RAB38: variants seen among roughly 807,000 people sequenced by gnomAD.
The protein encoded by RAB38 is RAB38, member RAS oncogene family.
In RAB38, 15 loss-of-function variants were observed where a neutral mutation model predicts 18.4. The ratio of observed to expected loss-of-function variants is 0.82; its 90% CI spans 0.55 to 1.26. The LOEUF (loss-of-function observed/expected upper bound fraction) is 1.26, where lower values mean the gene tolerates loss of function less well. Ranked by LOEUF, RAB38 falls within the 50% of genes most tolerant of loss-of-function variation. The pLI is 0.00. For synonymous variants in RAB38, 101 were observed against 104.4 expected, an observed-to-expected ratio of 0.97 and a Z score of 0.20; for missense variants, 294 against 267.4, an observed-to-expected ratio of 1.10 and a Z score of -0.69.
At chr11:88,141,169 C>G (rs371590138) in intron 2 of RAB38, among the ~76,000 whole-genome samples, 114 of 152,238 alleles carry the variant, frequency 7.5e-4, no homozygotes, top group African/African-American at 2.6e-3. Context: ...GTCCCCACCC[C>G]CTAGAAAACA....
chr11:87,954,386 A>G, the RAB38 span, among the ~76,000 whole-genome samples: 1 of 152,102 alleles, frequency 6.6e-6, no homozygotes, highest in Non-Finnish European at 1.5e-5. Context: ...CCAGATAAAG[A>G]CTACTTTTTC....
chr11:88,010,436 G>C, the RAB38 span, among the ~76,000 whole-genome samples: 1 of 152,112 alleles, frequency 6.6e-6, no homozygotes. Context: ...GTCAGGGAGG[G>C]TTTCAGATAA....
At chr11:88,048,015 T>C in the RAB38 span, among the ~76,000 whole-genome samples, 2 of 152,202 alleles carry the variant, frequency 1.3e-5, no homozygotes, top group African/African-American at 4.8e-5. Flanking sequence ...TCATTTCCTT[T>C]CCATCATGAA....
At chr11:87,805,499 T>C in the RAB38 span, among the ~76,000 whole-genome samples, 1 of 152,056 alleles carries the variant, frequency 6.6e-6, no homozygotes, top group East Asian at 1.9e-4. Context: ...GTCAGAATTG[T>C]AGCAGACACT....
At chr11:87,823,303 AT>A in the RAB38 span, among the ~76,000 whole-genome samples, 15 of 152,174 alleles carry the variant, frequency 9.9e-5, no homozygotes, top group Non-Finnish European at 1.5e-5. Context: ...AGGTTCGTAG[AT>A]TAAAAAACTG....
chr11:87,854,769 T>A, the RAB38 span, among the ~76,000 whole-genome samples: 1 of 152,152 alleles, frequency 6.6e-6, no homozygotes, highest in African/African-American at 2.4e-5. Flanking sequence ...TCCGAAGACA[T>A]TTCATGCATT....
chr11:88,091,474 C>A, the RAB38 span, among the ~76,000 whole-genome samples: 7 of 152,118 alleles, frequency 4.6e-5, no homozygotes, highest in South Asian at 1.0e-3. Context: ...TTCTCACCAT[C>A]TCTCACCAAT....
At chr11:88,018,078 C>A in the RAB38 span, among the ~76,000 whole-genome samples, 2 of 152,100 alleles carry the variant, frequency 1.3e-5, no homozygotes, top group African/African-American at 4.8e-5. Flanking sequence ...AACTGTGAGT[C>A]CATTACACCT....
the RAB38 span, among the ~76,000 whole-genome samples, chr11:87,934,015 T>C: frequency 6.6e-6 from 1 of 152,082 alleles, no homozygotes; most frequent in African/African-American, 2.4e-5. Context: ...GTTTCTACCA[T>C]GTCTGGGTAG....
chr11:88,053,891 T>C, the RAB38 span, among the ~76,000 whole-genome samples: 1 of 152,044 alleles, frequency 6.6e-6, no homozygotes, highest in African/African-American at 2.4e-5. Context: ...CTTACTTATG[T>C]CATTGCTGCT....
chr11:87,928,697 G>C, the RAB38 span, among the ~76,000 whole-genome samples: 1 of 151,940 alleles, frequency 6.6e-6, no homozygotes, highest in Non-Finnish European at 1.5e-5. Flanking sequence ...CTTTCAAAAA[G>C]CAAATGGTCC....
the RAB38 span, among the ~76,000 whole-genome samples, chr11:87,805,399 AT>A: frequency 3.3e-5 from 5 of 151,442 alleles, no homozygotes; most frequent in African/African-American, 1.2e-4. Context: ...TATCTATGTC[AT>A]TTTTTTTCCT....
At chr11:88,071,912 T>C in the RAB38 span, among the ~76,000 whole-genome samples, 1 of 152,222 alleles carries the variant, frequency 6.6e-6, no homozygotes, top group African/African-American at 2.4e-5. Flanking sequence ...GCTCAATTCC[T>C]GGCTAGAATC....
At chr11:88,131,847 C>A (rs1407003190) in intron 2 of RAB38, among the ~76,000 whole-genome samples, 2 of 152,168 alleles carry the variant, frequency 1.3e-5, no homozygotes, top group Non-Finnish European at 2.9e-5. Context: ...TTCACTGTAG[C>A]AAACTAGAGA....
At chr11:87,878,229 A>G in the RAB38 span, among the ~76,000 whole-genome samples, 1 of 128,966 alleles carries the variant, frequency 7.8e-6, no homozygotes, top group Non-Finnish European at 1.5e-5. Flanking sequence ...ATATACACAC[A>G]TATATATACA....
chr11:88,147,936 T>C (rs946298157), intron 2 of RAB38, among the ~76,000 whole-genome samples: 3 of 151,970 alleles, frequency 2.0e-5, no homozygotes, highest in African/African-American at 2.4e-5. Context: ...TACAAAAAGA[T>C]ACCATGCTTG....
chr11:87,969,350 C>T, the RAB38 span, among the ~76,000 whole-genome samples: 16 of 152,024 alleles, frequency 1.1e-4, no homozygotes, highest in Non-Finnish European at 1.3e-4. Flanking sequence ...CAAACATAAC[C>T]TGAATTCCTA....
At chr11:87,963,154 A>C in the RAB38 span, among the ~76,000 whole-genome samples, 6 of 152,326 alleles carry the variant, frequency 3.9e-5, no homozygotes, top group East Asian at 1.2e-3. Flanking sequence ...GTAACAGTAT[A>C]TTAATTCTCT....
At chr11:88,020,128 C>T in the RAB38 span, among the ~76,000 whole-genome samples, 1 of 152,054 alleles carries the variant, frequency 6.6e-6, no homozygotes, top group Non-Finnish European at 1.5e-5. Flanking sequence ...TAACTTTGGC[C>T]ATTTGTATCA....
Sources: gnomAD v4.1 joint callset for allele counts (sites outside exome capture counted in the v4.1 genomes callset) on GRCh38, gnomAD v4.1.1 for gene constraint, MANE v1.5 for transcripts, NCBI Gene and HGNC (gene_info 2026-07-23, HGNC 2026-07-21) for gene names.